The following VIT variants were observed in gnomAD, a reference collection of about 807,000 sequenced individuals.
VIT encodes vitrin.
Under a neutral mutation model 78.0 loss-of-function variants are expected in VIT, and 99 were observed. The ratio of observed to expected loss-of-function variants is 1.27; its 90% CI spans 1.08 to 1.50. VIT has a LOEUF of 1.50. VIT is among the 40% of genes most tolerant of loss of function. VIT has a pLI of 0.00. For missense variants in VIT, 1,126 were observed against 875.3 expected (o/e 1.29, Z -3.61); for synonymous variants, 374 against 334.3 (o/e 1.12, Z -1.29).
intron 7 of VIT, 137 bp from the exon 8 acceptor site, chr2:36,773,654 C>A: frequency 1.6e-6 from 1 of 614,754 alleles, no homozygotes; most frequent in Non-Finnish European, 2.4e-6. Context: ...TCGCTTGAAC[C>A]CGGAGGTTGC....
At chr2:36,714,523 C>A (rs1218526003) in intron 1 of VIT, among the ~76,000 whole-genome samples, 2 of 152,134 alleles carry the variant, frequency 1.3e-5, no homozygotes, top group Non-Finnish European at 1.5e-5. Context: ...TTGGGCCACA[C>A]AACCATGGCA....
At position 36,744,980 on chromosome 2, in the gene VIT, G is replaced by A. The variant is rs185556902; in HGVS notation, c.275+1724G>A. ...CATGTAAGTCTTTAATCCATCTTGA[G>A]TTAATTTTTGTATATGTTGATAGGG... On this transcript the variant is annotated intron_variant, in intron 4 of 15. Coordinates refer to ENST00000379242, the MANE Select transcript of VIT (RefSeq NM_053276.4). 1.9e-3 allele frequency among the ~76,000 whole-genome samples: 288 copies of A among 152,128 alleles called. 2 individuals carry two copies. The highest frequency in any genetic ancestry group is 6.6e-3 in the African/African-American group (273 of 41,504).
intron 3 of VIT, among the ~76,000 whole-genome samples, chr2:36,740,063 A>T (rs1303801446): frequency 6.6e-6 from 1 of 152,194 alleles, no homozygotes; most frequent in East Asian, 1.9e-4. Context: ...TAGACCTACA[A>T]CTGATACTTC....
Position 36,783,401 on chromosome 2 carries a change from A to C in VIT, c.909A>C (p.Pro303=). 1.2e-6 allele frequency: 2 copies of C among 1,614,104 alleles called. No individual in the cohort carries two copies. The highest frequency in any genetic ancestry group is 1.7e-6 in the Non-Finnish European group (2 of 1,179,988). Residue 303 remains proline, a splice_region_variant and synonymous_variant, in exon 11 of 16, where the codon CCA becomes CCC. Transcript: ENST00000379242. ...QSLEPVSLGD[P]NCKIDLSFLI... ...TGGAGCCAGTATCCCTGGGAGATCC[A>C]AGTAAGTTAATTGACAACTAGAAAC...
At chr2:36,810,089 C>T (rs1041838467) in intron 15 of VIT, among the ~76,000 whole-genome samples, 12 of 150,566 alleles carry the variant, frequency 8.0e-5, no homozygotes, top group South Asian at 2.1e-4. Flanking sequence ...GTTGGGAGTT[C>T]GAGACTAGCC....
chr2:36,805,448 C>G lies in VIT; in HGVS notation c.1173C>G (p.Ile391Met). Residue 391 changes from isoleucine (I) to methionine (M), a missense_variant, in exon 14 of 16, where the codon ATC (isoleucine) becomes ATG (methionine). Coordinates refer to ENST00000379242, the MANE Select transcript of VIT (RefSeq NM_053276.4). The stretch of plus-strand genomic sequence containing the variant: ...TTCTTTTTCTTCCAGGTCGGGCCAT[C>G]TCCTTTGTGACCAAGAACTTCTTTT... ...RGGLSNVGRA[I>M]SFVTKNFFSK... The G allele has an allele frequency of 6.2e-7, 1 of 1,609,146 alleles. No homozygotes were observed. The highest frequency in any genetic ancestry group is 1.1e-5 in the South Asian group (1 of 90,316).
chr2:36,759,274 T>C, intron 6 of VIT: 1 of 1,470,690 alleles, frequency 6.8e-7, no homozygotes, highest in South Asian at 1.4e-5. Flanking sequence ...ATTGTGTCTC[T>C]ATATTTGTGT....
intron 2 of VIT, among the ~76,000 whole-genome samples, chr2:36,719,744 G>A (rs560656594): frequency 1.3e-5 from 2 of 152,254 alleles, no homozygotes; most frequent in East Asian, 3.9e-4. Context: ...TTTGAGACCA[G>A]CTTGCAAAGC....
intron 2 of VIT, among the ~76,000 whole-genome samples, chr2:36,725,793 C>T (rs1032667328): frequency 4.6e-5 from 7 of 152,116 alleles, no homozygotes; most frequent in African/African-American, 7.2e-5. Context: ...ACACACCCGC[C>T]GGGCACAGTG....
chr2:36,732,951 A>G (rs1432841939), intron 3 of VIT, among the ~76,000 whole-genome samples: 1 of 152,210 alleles, frequency 6.6e-6, no homozygotes, highest in African/African-American at 2.4e-5. Flanking sequence ...CCTGAAGGGT[A>G]GAAAAAGCTA....
chr2:36,810,073 C>T (rs1368529715), intron 15 of VIT, among the ~76,000 whole-genome samples: 1 of 151,188 alleles, frequency 6.6e-6, no homozygotes, highest in East Asian at 2.0e-4. Flanking sequence ...GGGCGGATCA[C>T]CCGAGGTTGG....
At chr2:36,706,336 A>C (rs967295982) in intron 1 of VIT, among the ~76,000 whole-genome samples, 1 of 152,210 alleles carries the variant, frequency 6.6e-6, no homozygotes, top group Non-Finnish European at 1.5e-5. Context: ...TAAATATGAG[A>C]AGGGTTTTAA....
At position 36,783,373 on chromosome 2, in the gene VIT, C is replaced by G; in HGVS notation, c.881C>G (p.Ser294Cys). The G allele has an allele frequency of 3.7e-6, 6 of 1,614,160 alleles. No individual in the cohort carries two copies. Among genetic ancestry groups the G allele is most frequent in the South Asian group, 1.1e-5 (1 of 91,074 alleles). The part of the protein sequence containing the change: ...LVPKEELSTQ[S>C]LEPVSLGDPN... ...CCAAAAGAAGAATTGAGCACACAGT[C>G]TTTGGAGCCAGTATCCCTGGGAGAT... The change falls in exon 11 of 16, where the codon TCT becomes TGT. Residue 294 changes from serine to cysteine, a missense_variant. Transcript: ENST00000379242.
intron 9 of VIT, among the ~76,000 whole-genome samples, chr2:36,776,962 G>GC (rs925898619): frequency 6.7e-6 from 1 of 149,786 alleles, no homozygotes; most frequent in Non-Finnish European, 1.5e-5. Context: ...GGTGGCGGGC[G>GC]CCTGTAGTCC....
intron 2 of VIT, among the ~76,000 whole-genome samples, chr2:36,721,341 A>G (rs1020511765): frequency 1.3e-5 from 2 of 152,180 alleles, no homozygotes; most frequent in Non-Finnish European, 2.9e-5. Flanking sequence ...GCTTGCGTTC[A>G]CATAGTCCCC....
chr2:36,769,608 G>T (rs569174145), intron 7 of VIT, among the ~76,000 whole-genome samples: 2 of 152,136 alleles, frequency 1.3e-5, no homozygotes, highest in Non-Finnish European at 2.9e-5. Flanking sequence ...CCTATTCAAA[G>T]GAGTTTCTGA....
chr2:36,699,806 C>G (rs914581446), intron 1 of VIT, among the ~76,000 whole-genome samples: 1 of 152,066 alleles, frequency 6.6e-6, no homozygotes, highest in Non-Finnish European at 1.5e-5. Context: ...AATTTAAAGC[C>G]TTACATGCGA....
intron 13 of VIT, 26 bp downstream of exon 13, chr2:36,801,430 C>A: frequency 6.5e-7 from 1 of 1,544,674 alleles, no homozygotes; most frequent in Non-Finnish European, 8.9e-7. Context: ...TCAAATTATA[C>A]TATCTTGCTA....
chr2:36,804,283 C>A (rs374346906), intron 13 of VIT, among the ~76,000 whole-genome samples: 2 of 152,224 alleles, frequency 1.3e-5, no homozygotes, highest in African/African-American at 2.4e-5. Context: ...TCTGTCAGTT[C>A]CCAGTGGGTG....
Sources: allele counts gnomAD v4.1 joint callset (sites outside exome capture counted in the v4.1 genomes callset), GRCh38; gene constraint gnomAD v4.1.1; transcripts MANE v1.5; gene names NCBI Gene and HGNC (gene_info 2026-07-23, HGNC 2026-07-21).